The following KCNIP4 variants were observed in gnomAD, a reference collection of about 807,000 sequenced individuals.
KCNIP4 encodes the protein potassium voltage-gated channel interacting protein 4.
KCNIP4 carries 12 observed loss-of-function variants against 34.0 expected under a neutral mutation model. That is an observed-to-expected ratio of 0.35 (90% CI 0.23 to 0.57). The LOEUF (loss-of-function observed/expected upper bound fraction) is 0.57, where lower values mean the gene tolerates loss of function less well. Among genes scored for constraint, KCNIP4 ranks in the 20% least tolerant of loss-of-function variants. The pLI is 0.83. For missense variants in KCNIP4, 238 were observed against 311.7 expected (o/e 0.76, Z 1.78); for synonymous variants, 124 against 102.2 (o/e 1.21, Z -1.29).
At chr4:21,663,344 G>C (rs1485727537) in intron 1 of KCNIP4, among the ~76,000 whole-genome samples, 1 of 150,746 alleles carries the variant, frequency 6.6e-6, no homozygotes, top group Non-Finnish European at 1.5e-5. Context: ...GTTGAGGATT[G>C]TCTGCTTACT....
chr4:21,908,779 CA>C (rs1728140037), intron 1 of KCNIP4, among the ~76,000 whole-genome samples: 1 of 152,120 alleles, frequency 6.6e-6, no homozygotes, highest in South Asian at 2.1e-4. Flanking sequence ...TTTTCTTCCG[CA>C]ATCATAAAGT....
At chr4:21,829,139 G>T (rs377421605) in intron 1 of KCNIP4, among the ~76,000 whole-genome samples, 2 of 151,836 alleles carry the variant, frequency 1.3e-5, no homozygotes, top group Non-Finnish European at 2.9e-5. Flanking sequence ...CTTTACAATG[G>T]TGCAAAAGCA....
intron 5 of KCNIP4, among the ~76,000 whole-genome samples, chr4:20,742,654 C>T (rs560813203): frequency 1.3e-4 from 20 of 152,230 alleles, no homozygotes; most frequent in African/African-American, 4.6e-4. Context: ...AAAACTGGCA[C>T]AAGACAGGGA....
chr4:20,993,694 A>G (rs1737292114), intron 1 of KCNIP4, among the ~76,000 whole-genome samples: 1 of 149,206 alleles, frequency 6.7e-6, no homozygotes, highest in Non-Finnish European at 1.5e-5. Context: ...TATTGTACCC[A>G]TTACTATAAT....
At chr4:21,635,662 G>C (rs1560580718) in intron 1 of KCNIP4, among the ~76,000 whole-genome samples, 1 of 152,136 alleles carries the variant, frequency 6.6e-6, no homozygotes, top group African/African-American at 2.4e-5. Context: ...AGGATGTGGA[G>C]AAATAGGAAC....
intron 1 of KCNIP4, among the ~76,000 whole-genome samples, chr4:21,733,985 T>C (rs1211006931): frequency 5.3e-5 from 8 of 152,176 alleles, no homozygotes; most frequent in African/African-American, 1.9e-4. Flanking sequence ...TTCAGAAATA[T>C]ATGACTTAAG....
intron 1 of KCNIP4, among the ~76,000 whole-genome samples, chr4:21,213,302 T>A (rs1757354235): frequency 6.6e-6 from 1 of 152,032 alleles, no homozygotes; most frequent in South Asian, 2.1e-4. Flanking sequence ...TTTTATTGAT[T>A]GATTGATTGA....
In KCNIP4 at chr4:21,304,057, GAGAGAGAGAGAC is replaced by G. The variant is rs1435286199; in HGVS notation, c.62-421360_62-421349del. 1,035 of 500,634 alleles carry G rather than the reference GAGAGAGAGAGAC, an allele frequency of 2.1e-3. 6 individuals carry two copies. Among genetic ancestry groups the G allele is most frequent in the African/African-American group, 0.016 (388 of 23,700 alleles). 31.0% of individuals were successfully genotyped at this position (500,634 alleles called of 1,614,324 possible). On this transcript the variant is annotated intron_variant, in intron 1 of 8. Transcript: ENST00000382152. ...AGAGAGAGAGAGAGAGAGAGAGAGA[GAGAGAGAGAGAC>G]AGAGAGAGAGAGAGAGACAGAGAGA...
chr4:21,303,558 A>G (rs1711995493), intron 1 of KCNIP4, among the ~76,000 whole-genome samples: 1 of 152,182 alleles, frequency 6.6e-6, no homozygotes, highest in Non-Finnish European at 1.5e-5. Flanking sequence ...TAATTACTTC[A>G]GTTTTTGTTC....
chr4:21,714,810 TTTTA>T (rs1714072844), intron 1 of KCNIP4, among the ~76,000 whole-genome samples: 1 of 182 alleles, frequency 5.5e-3, no homozygotes, highest in African/African-American at 0.056. Flanking sequence ...TTTTATTTTA[TTTTA>T]TTTTATTTTA....
chr4:20,844,528 A>T (rs1054325479), intron 3 of KCNIP4, among the ~76,000 whole-genome samples: 1 of 152,174 alleles, frequency 6.6e-6, no homozygotes, highest in Non-Finnish European at 1.5e-5. Flanking sequence ...TGAGGGTAAC[A>T]CAGTCTATGA....
At chr4:21,691,151 T>C (rs1044474100) in intron 1 of KCNIP4, among the ~76,000 whole-genome samples, 3 of 152,192 alleles carry the variant, frequency 2.0e-5, no homozygotes, top group Non-Finnish European at 4.4e-5. Flanking sequence ...TAATCAATAC[T>C]GCTATGAACA....
At chr4:21,251,148 G>T (rs1172080638) in intron 1 of KCNIP4, among the ~76,000 whole-genome samples, 1 of 151,988 alleles carries the variant, frequency 6.6e-6, no homozygotes, top group Non-Finnish European at 1.5e-5. Flanking sequence ...CATGTAACTA[G>T]TAGAAACACA....
At chr4:20,917,793 A>T (rs1288488327) in intron 1 of KCNIP4, among the ~76,000 whole-genome samples, 1 of 152,080 alleles carries the variant, frequency 6.6e-6, no homozygotes, top group Admixed American at 6.5e-5. Context: ...GGCAGAGATA[A>T]AGTGTGATTC....
intron 1 of KCNIP4, among the ~76,000 whole-genome samples, chr4:20,905,072 A>T (rs1282493161): frequency 6.6e-6 from 1 of 152,200 alleles, no homozygotes; most frequent in African/African-American, 2.4e-5. Context: ...GACATTTTGC[A>T]TATAGGAAGT....
At chr4:21,254,331 C>T (rs926617951) in intron 1 of KCNIP4, among the ~76,000 whole-genome samples, 1 of 152,090 alleles carries the variant, frequency 6.6e-6, no homozygotes, top group African/African-American at 2.4e-5. Context: ...TTTCTTAATG[C>T]TTTTCTTGGT....
chr4:20,860,152 T>C (rs1027999720), intron 2 of KCNIP4, among the ~76,000 whole-genome samples: 3 of 152,152 alleles, frequency 2.0e-5, no homozygotes, highest in Admixed American at 6.5e-5. Context: ...TTTTTTTCTT[T>C]TTTTGAGATG....
rs181372694 is a variant in KCNIP4 at position 21,672,311 on chromosome 4, C to A, written c.61+276260G>T. ...TAAAACAAAACAAAACAAAAAGATA[C>A]TGGTTCTGTAACACATCTGCTGTGA... On this transcript the variant is annotated intron_variant, in intron 1 of 8. Transcript: ENST00000382152. Among the ~76,000 whole-genome samples, 17 of 152,214 alleles carry A rather than the reference C, an allele frequency of 1.1e-4. No individual in the cohort carries two copies. The East Asian group carries it at 2.3e-3, about 21-fold the overall frequency.
At chr4:21,481,125 G>A (rs1205400386) in intron 1 of KCNIP4, among the ~76,000 whole-genome samples, 1 of 152,112 alleles carries the variant, frequency 6.6e-6, no homozygotes, top group Non-Finnish European at 1.5e-5. Context: ...AATTAGTATA[G>A]GAAGTAGAAA....
Sources: gnomAD v4.1 joint callset for allele counts (sites outside exome capture counted in the v4.1 genomes callset) on GRCh38, gnomAD v4.1.1 for gene constraint, MANE v1.5 for transcripts, NCBI Gene and HGNC (gene_info 2026-07-23, HGNC 2026-07-21) for gene names.